ZMYM5: variants seen among roughly 807,000 people sequenced by gnomAD.
ZMYM5 encodes the protein zinc finger MYM-type protein 5.
ZMYM5 carries 41 observed loss-of-function variants against 61.8 expected under a neutral mutation model. The ratio of observed to expected loss-of-function variants is 0.66; its 90% CI spans 0.52 to 0.86. ZMYM5 has a LOEUF of 0.86. ZMYM5 is among the 40% of genes least tolerant of loss of function. ZMYM5 has a pLI of 0.00. For synonymous variants in ZMYM5, 257 were observed against 276.4 expected, an observed-to-expected ratio of 0.93 and a Z score of 0.70; for missense variants, 706 against 786.7, an observed-to-expected ratio of 0.90 and a Z score of 1.23.
intron 4 of ZMYM5, among the ~76,000 whole-genome samples, chr13:19,850,536 G>A (rs1953249572): frequency 6.6e-6 from 1 of 152,014 alleles, no homozygotes; most frequent in Non-Finnish European, 1.5e-5. Context: ...GGGAGGGAGG[G>A]GCTGCAGTGA....
chr13:19,845,889 G>A lies in ZMYM5; in HGVS notation c.586+5466C>T, dbSNP rs963137166. Among the ~76,000 whole-genome samples the A allele has an allele frequency of 3.3e-5, 5 of 152,128 alleles. 1 individual carries two copies. The East Asian group carries it at 5.8e-4, about 18-fold the overall frequency. ...AGTAGTTTTATTTGGGTTTCATTACGTAGGCATGACTCATTGGTCATATGA... is the reference window on the plus strand; with the variant it reads ...AGTAGTTTTATTTGGGTTTCATTACATAGGCATGACTCATTGGTCATATGA... On this transcript the variant is annotated intron_variant, in intron 4 of 7. Coordinates refer to ENST00000337963, the MANE Select transcript of ZMYM5 (RefSeq NM_001142684.2).
At chr13:19,858,576 A>G (rs936385162) in intron 2 of ZMYM5, among the ~76,000 whole-genome samples, 1 of 110,794 alleles carries the variant, frequency 9.0e-6, no homozygotes, top group African/African-American at 3.3e-5. Context: ...AGACTGAGAG[A>G]CGCTGTTTCA....
chr13:19,824,890 G>A lies in ZMYM5; in HGVS notation c.1597C>T (p.Gln533Ter), dbSNP rs760544638. The change falls in exon 8 of 8, where the codon CAA becomes TAA. Residue 533 changes from glutamine (Q) to a stop codon, truncating the protein, a stop_gained. Transcript: ENST00000337963. LOFTEE classifies it high-confidence loss of function. The part of the protein sequence containing the change: ...GTWPRILNIK[Q>*]RDTLVENVPP... Reference sequence around the variant, plus strand: ...ACATTTTCAACAAGAGTGTCCCGTTGTTTAATATTCAAAATTCGGGGCCAC... The same window carrying A: ...ACATTTTCAACAAGAGTGTCCCGTTATTTAATATTCAAAATTCGGGGCCAC... The A allele has an allele frequency of 1.5e-6, 2 of 1,357,414 alleles. No individual in the cohort carries two copies. The highest frequency in any genetic ancestry group is 1.2e-5 in the South Asian group (1 of 86,600). The allele number at this position is 1,357,414 out of a possible 1,614,324, so 84.1% of individuals were successfully genotyped here.
At chr13:19,856,131 T>G (rs1953500064) in intron 2 of ZMYM5, among the ~76,000 whole-genome samples, 1 of 152,046 alleles carries the variant, frequency 6.6e-6, no homozygotes, top group African/African-American at 2.4e-5. Flanking sequence ...CACAAGACCA[T>G]AAGAAAATTT....
rs1408127737 is a variant in ZMYM5 at position 19,852,025 on chromosome 13, T to C, written c.156A>G (p.Glu52=). The change falls in exon 3 of 8, where the codon GAA becomes GAG. Residue 52 remains glutamate (E), a synonymous_variant. Transcript: ENST00000337963. The part of the protein sequence containing the change: ...LVSRSRNSPV[E]DDDDDDDVVF... ...CAACATCATCATCATCATCATCATC[T>C]TCCACTGGTGAGTTCCTAGATCTAC... The C allele has an allele frequency of 2.5e-6, 4 of 1,613,770 alleles. No individual in the cohort carries two copies. The African/African-American group carries it at 5.3e-5, about 22-fold the overall frequency.
At chr13:19,842,655 T>C (rs1382137171) in intron 4 of ZMYM5, among the ~76,000 whole-genome samples, 1 of 133,720 alleles carries the variant, frequency 7.5e-6, no homozygotes, top group Non-Finnish European at 1.6e-5. Flanking sequence ...TTTTTTTAAT[T>C]AAAAAAAAAA....
At chr13:19,857,511 T>C (rs1953557465) in intron 2 of ZMYM5, among the ~76,000 whole-genome samples, 1 of 152,158 alleles carries the variant, frequency 6.6e-6, no homozygotes, top group African/African-American at 2.4e-5. Flanking sequence ...CTCACAAAAG[T>C]AATGAGATCA....
intron 4 of ZMYM5, among the ~76,000 whole-genome samples, chr13:19,842,159 T>C (rs1160915613): frequency 4.6e-5 from 7 of 152,228 alleles, no homozygotes; most frequent in Admixed American, 3.9e-4. Flanking sequence ...GTGTACTTTA[T>C]GAAGAGCCAG....
chr13:19,847,430 A>G (rs1953112566), intron 4 of ZMYM5, among the ~76,000 whole-genome samples: 1 of 152,194 alleles, frequency 6.6e-6, no homozygotes, highest in Admixed American at 6.6e-5. Flanking sequence ...TACTTCAAGC[A>G]AAACAAAATA....
intron 4 of ZMYM5, among the ~76,000 whole-genome samples, chr13:19,841,206 G>A (rs1042613107): frequency 6.6e-6 from 1 of 151,216 alleles, no homozygotes; most frequent in South Asian, 2.1e-4. Flanking sequence ...CTCGTGATCT[G>A]CCCGCCTCAG....
intron 4 of ZMYM5, among the ~76,000 whole-genome samples, chr13:19,846,771 A>G (rs1172137375): frequency 6.6e-6 from 1 of 151,674 alleles, no homozygotes; most frequent in Non-Finnish European, 1.5e-5. Context: ...TTTAAGGAAA[A>G]AAAAAACTAG....
At chr13:19,843,539 G>A (rs1952960799) in intron 4 of ZMYM5, 1 of 151,920 alleles carries the variant, frequency 6.6e-6, no homozygotes, top group Admixed American at 6.6e-5. Context: ...CAAATAAAGA[G>A]TGAAAGAAAT....
At chr13:19,827,800 G>C (rs1890985981) in intron 7 of ZMYM5, among the ~76,000 whole-genome samples, 1 of 151,950 alleles carries the variant, frequency 6.6e-6, no homozygotes, top group Non-Finnish European at 1.5e-5. Context: ...GGGAGGCTGA[G>C]GCGGGCGGAT....
chr13:19,829,683 C>T (rs567069495), intron 7 of ZMYM5, among the ~76,000 whole-genome samples: 20 of 152,146 alleles, frequency 1.3e-4, no homozygotes, highest in African/African-American at 4.1e-4. Flanking sequence ...TAGCCTCAAA[C>T]GCCTGGGCTC....
intron 4 of ZMYM5, chr13:19,841,941 T>A (rs906646518): frequency 6.6e-6 from 1 of 152,296 alleles, no homozygotes; most frequent in African/African-American, 2.4e-5. Flanking sequence ...GTCAGCCTCC[T>A]GAGTAGCTGG....
intron 6 of ZMYM5, among the ~76,000 whole-genome samples, chr13:19,836,781 TCAGGGGTAA>T (rs1952686332): frequency 6.6e-6 from 1 of 152,172 alleles, no homozygotes; most frequent in African/African-American, 2.4e-5. Context: ...TATGCATGAC[TCAGGGGTAA>T]CCAACACCAA....
At chr13:19,857,309 T>C (rs927586556) in intron 2 of ZMYM5, among the ~76,000 whole-genome samples, 7 of 152,154 alleles carry the variant, frequency 4.6e-5, no homozygotes, top group African/African-American at 1.7e-4. Flanking sequence ...CTCTAGAGAA[T>C]GGGAAACAAC....
chr13:19,825,200 T>C lies in ZMYM5; in HGVS notation c.1287A>G (p.Ser429=), dbSNP rs774762464. The part of the protein sequence containing the change: ...METKSKKLTA[S]ENRKRNAFRE... ...TAAAAGCATTCCTTTTTCTATTTTC[T>C]GATGCTGTTAATTTTTTTGATTTTG... The change falls in exon 8 of 8, where the codon TCA becomes TCG. Residue 429 remains serine, a synonymous_variant. Coordinates refer to ENST00000337963, the MANE Select transcript of ZMYM5 (RefSeq NM_001142684.2). 1 of 1,273,084 alleles carries C rather than the reference T, an allele frequency of 7.9e-7. No homozygotes were observed. Among genetic ancestry groups the C allele is most frequent in the Admixed American group, 3.0e-5 (1 of 33,710 alleles). The allele number at this position is 1,273,084 out of a possible 1,614,324, so 78.9% of individuals were successfully genotyped here.
intron 2 of ZMYM5, among the ~76,000 whole-genome samples, chr13:19,854,636 A>AC (rs1446645772): frequency 3.4e-4 from 52 of 151,918 alleles, no homozygotes; most frequent in Admixed American, 1.2e-3. Flanking sequence ...TCAAAAAAAA[A>AC]AAAAAAAAAC....
Sources: gnomAD v4.1 joint callset for allele counts (sites outside exome capture counted in the v4.1 genomes callset) on GRCh38, gnomAD v4.1.1 for gene constraint, MANE v1.5 for transcripts, NCBI Gene and HGNC (gene_info 2026-07-23, HGNC 2026-07-21) for gene names.